Variants in DNAH12 observed in about 807,000 individuals in gnomAD.
DNAH12 encodes the protein axonemal beta dynein heavy chain 12.
In DNAH12, 285 loss-of-function variants were observed where a neutral mutation model predicts 371.5. The ratio of observed to expected loss-of-function variants is 0.77; its 90% CI spans 0.70 to 0.85. The LOEUF (loss-of-function observed/expected upper bound fraction) is 0.85, where lower values mean the gene tolerates loss of function less well. DNAH12 is among the 40% of genes least tolerant of loss of function. The probability of loss-of-function intolerance (pLI) is 0.00; values close to 1 mark genes in which losing one functional copy is unlikely to be tolerated. For missense variants in DNAH12, 3,611 were observed against 3,689.4 expected, an observed-to-expected ratio of 0.98 and a Z score of 0.55; for synonymous variants, 1,200 against 1,213.0, an observed-to-expected ratio of 0.99 and a Z score of 0.22.
At chr3:57,407,119 A>C (rs1575557576) in intron 40 of DNAH12, among the ~76,000 whole-genome samples, 1 of 151,968 alleles carries the variant, frequency 6.6e-6, no homozygotes, top group Non-Finnish European at 1.5e-5. Flanking sequence ...GGATGGTCTC[A>C]ATCTCTTGAC....
chr3:57,523,874 C>A lies in DNAH12; in HGVS notation c.181G>T (p.Ala61Ser), dbSNP rs201450843. 168 of 1,598,580 alleles carry A rather than the reference C, an allele frequency of 1.1e-4. No individual in the cohort carries two copies. The highest frequency in any genetic ancestry group is 5.0e-5 in the Non-Finnish European group (59 of 1,173,212). Reference sequence around the variant, plus strand: ...AGTGTTCTGTCTAAATTTCTTTTGGCTCCATCAATTCTGAAATTTATAGTT... The same window carrying A: ...AGTGTTCTGTCTAAATTTCTTTTGGATCCATCAATTCTGAAATTTATAGTT... ...QKINQLVIDG[A>S]KRNLDRTLGK... The change falls in exon 3 of 74, where the codon GCC (alanine) becomes TCC (serine). Residue 61 changes from alanine (A) to serine (S), a missense_variant. By Grantham distance (99) the Ala-to-Ser change is moderately conservative. This residue lies in a region of DNAH12 where 1,314 missense variants were observed against 1,398.7 expected (regional missense o/e 0.94). Coordinates refer to ENST00000495027, the MANE Select transcript of DNAH12 (RefSeq NM_001366028.2).
chr3:57,489,621 T>A lies in DNAH12; in HGVS notation c.1402A>T (p.Met468Leu). The change falls in exon 12 of 74, where the codon ATG (methionine) becomes TTG (leucine). Residue 468 changes from methionine to leucine, a missense_variant. Met to Leu is a conservative substitution (Grantham distance 15, BLOSUM62 2). Around this residue, in one of 3 missense-constraint regions of DNAH12, gnomAD observed 1,314 missense variants for 1,398.7 expected, o/e 0.94. Coordinates refer to ENST00000495027, the MANE Select transcript of DNAH12 (RefSeq NM_001366028.2). ...MLLPQWIHYT[M>L]VRLDCEDLKT... ...AAATCTTCACAATCCAAACGCACCATAGTGTAATGAATCCACTGAGGCAAA... is the reference window on the plus strand; with the variant it reads ...AAATCTTCACAATCCAAACGCACCAAAGTGTAATGAATCCACTGAGGCAAA... 1 of 1,542,848 alleles carries A rather than the reference T, an allele frequency of 6.5e-7. No individual in the cohort carries two copies. The highest frequency in any genetic ancestry group is 8.7e-7 in the Non-Finnish European group (1 of 1,144,494).
At chr3:57,435,913 T>C (rs1293477522) in intron 30 of DNAH12, among the ~76,000 whole-genome samples, 2 of 152,136 alleles carry the variant, frequency 1.3e-5, no homozygotes, top group African/African-American at 4.8e-5. Flanking sequence ...TAACCCTACC[T>C]TTAGAAAAAA....
chr3:57,506,412 A>G (rs2067760627), intron 8 of DNAH12, among the ~76,000 whole-genome samples: 1 of 151,922 alleles, frequency 6.6e-6, no homozygotes, highest in African/African-American at 2.4e-5. Flanking sequence ...TTTTTCTTTT[A>G]TTTGTTTATT....
intron 35 of DNAH12, among the ~76,000 whole-genome samples, 173 bp downstream of exon 35, chr3:57,424,849 G>T (rs1314364751): frequency 6.6e-6 from 1 of 151,108 alleles, no homozygotes; most frequent in African/African-American, 2.4e-5. Context: ...TCTTTAAAGT[G>T]TTTTTTATTA....
chr3:57,452,115 T>C (rs1201011796), intron 25 of DNAH12, among the ~76,000 whole-genome samples: 1 of 152,150 alleles, frequency 6.6e-6, no homozygotes, highest in Non-Finnish European at 1.5e-5. Flanking sequence ...TTCTTTCTTC[T>C]GAGGAGGTAA....
intron 43 of DNAH12, among the ~76,000 whole-genome samples, chr3:57,401,515 G>T (rs2063860614): frequency 7.4e-6 from 1 of 134,364 alleles, no homozygotes; most frequent in Admixed American, 8.4e-5. Flanking sequence ...AGTGAGCCGA[G>T]ATTGCACCAC....
chr3:57,350,157 G>A (rs1553659657), intron 60 of DNAH12, among the ~76,000 whole-genome samples: 1 of 152,034 alleles, frequency 6.6e-6, no homozygotes, highest in African/African-American at 2.4e-5. Flanking sequence ...GGTGGAGAGG[G>A]ATAAGAGACT....
intron 5 of DNAH12, among the ~76,000 whole-genome samples, chr3:57,509,437 C>T (rs1258455131): frequency 6.6e-6 from 1 of 152,106 alleles, no homozygotes; most frequent in Non-Finnish European, 1.5e-5. Context: ...TTTTCACATT[C>T]CATCTACTCA....
chr3:57,509,131 T>C lies in DNAH12; in HGVS notation c.542+9A>G. ...GGATGAAGTACTGTTTTTAAAATAATTTACTCACACAGGAGATTCAGGTAA... is the reference window on the plus strand; with the variant it reads ...GGATGAAGTACTGTTTTTAAAATAACTTACTCACACAGGAGATTCAGGTAA... On this transcript the variant is annotated intron_variant, in intron 6 of 73. Transcript: ENST00000495027. 3.1e-6 allele frequency: 5 copies of C among 1,602,038 alleles called. No homozygotes were observed. The South Asian group carries it at 4.5e-5, about 15-fold the overall frequency.
intron 4 of DNAH12, among the ~76,000 whole-genome samples, chr3:57,522,026 C>A (rs2068467517): frequency 6.6e-6 from 1 of 152,036 alleles, no homozygotes; most frequent in Admixed American, 6.6e-5. Context: ...GAGCTCGAGG[C>A]CAGCCTGGCC....
chr3:57,302,695 C>A (rs1386740825), intron 69 of DNAH12, among the ~76,000 whole-genome samples: 3 of 146,506 alleles, frequency 2.0e-5, no homozygotes, highest in Non-Finnish European at 4.5e-5. Flanking sequence ...CCTGCCTCAG[C>A]CTCCTGCGTA....
intron 62 of DNAH12, among the ~76,000 whole-genome samples, chr3:57,326,414 T>C (rs1355383425): frequency 2.0e-5 from 3 of 152,130 alleles, no homozygotes; most frequent in Non-Finnish European, 4.4e-5. Flanking sequence ...TCAACATTCT[T>C]AAAGAAAAGA....
chr3:57,326,569 T>C (rs1027127019), intron 62 of DNAH12, among the ~76,000 whole-genome samples: 2 of 151,924 alleles, frequency 1.3e-5, no homozygotes, highest in African/African-American at 2.4e-5. Flanking sequence ...GCACTAAACA[T>C]GGAAAGGAAC....
intron 62 of DNAH12, among the ~76,000 whole-genome samples, chr3:57,330,623 T>G: frequency 6.7e-6 from 1 of 149,288 alleles, no homozygotes; most frequent in East Asian, 2.0e-4. Flanking sequence ...AGATGATGAG[T>G]TAGTGGGTGC....
chr3:57,465,936 T>C (rs2066188024), intron 17 of DNAH12, among the ~76,000 whole-genome samples: 1 of 152,160 alleles, frequency 6.6e-6, no homozygotes, highest in African/African-American at 2.4e-5. Flanking sequence ...AGTTTGATGA[T>C]ATTTTGTTAT....
Position 57,457,716 on chromosome 3 carries a change from C to T in DNAH12, c.3336+5G>A, listed in dbSNP as rs758619480. ...AGGGTATATATCAAATCCTAGGAAA[C>T]ACACCAGCCTGGCTGCAGCGATCAC... On this transcript the variant is annotated splice_donor_5th_base_variant and intron_variant, in intron 22 of 73. Transcript: ENST00000495027. 3 of 1,545,826 alleles carry T rather than the reference C, an allele frequency of 1.9e-6. No individual in the cohort carries two copies. The highest frequency in any genetic ancestry group is 3.9e-5 in the Admixed American group (2 of 50,802).
chr3:57,344,651 A>C (rs1489010972), intron 60 of DNAH12, among the ~76,000 whole-genome samples: 2 of 152,226 alleles, frequency 1.3e-5, no homozygotes, highest in Non-Finnish European at 2.9e-5. Context: ...AACGGGAATG[A>C]AACTGAATGA....
intron 40 of DNAH12, 121 bp from the exon 41 acceptor site, chr3:57,406,073 G>A: frequency 1.8e-6 from 2 of 1,085,190 alleles, no homozygotes; most frequent in South Asian, 3.4e-5. Context: ...GGCTTGGGCT[G>A]GGCGCGGTGG....
Sources: gnomAD v4.1 joint callset for allele counts (sites outside exome capture counted in the v4.1 genomes callset) on GRCh38, gnomAD v4.1.1 for gene constraint, gnomAD v4.1.1 regional missense constraint, MANE v1.5 for transcripts, NCBI Gene and HGNC (gene_info 2026-07-23, HGNC 2026-07-21) for gene names.